ATP8A1: variants seen among roughly 807,000 people sequenced by gnomAD.
ATP8A1 encodes the protein phospholipid-transporting ATPase IA.
ATP8A1 carries 90 observed loss-of-function variants against 177.7 expected under a neutral mutation model. The observed-to-expected ratio is 0.51, with a 90% CI of 0.43 to 0.60. The LOEUF (loss-of-function observed/expected upper bound fraction) is 0.60. ATP8A1 is among the 20% of genes least tolerant of loss of function. The pLI, the probability that ATP8A1 is intolerant of heterozygous loss-of-function variation, is 0.00. For missense variants in ATP8A1, 1,072 were observed against 1,392.8 expected, an observed-to-expected ratio of 0.77 and a Z score of 3.67; for synonymous variants, 493 against 485.9, an observed-to-expected ratio of 1.01 and a Z score of -0.19.
chr4:42,484,686 C>T (rs1215591735), intron 25 of ATP8A1, among the ~76,000 whole-genome samples: 1 of 152,164 alleles, frequency 6.6e-6, no homozygotes, highest in Non-Finnish European at 1.5e-5. Flanking sequence ...AGCACAGATA[C>T]TGAGAAATCT....
In ATP8A1 at chr4:42,443,594, T is replaced by C. The variant is rs1333927143; in HGVS notation, c.3094A>G (p.Ile1032Val). 5 of 1,487,018 alleles carry C rather than the reference T, an allele frequency of 3.4e-6. No individual in the cohort carries two copies. Among genetic ancestry groups the C allele is most frequent in the African/African-American group, 1.4e-5 (1 of 72,380 alleles). 92.1% of individuals were successfully genotyped at this position (1,487,018 alleles called of 1,614,324 possible). ...CCTGACATATCAGGGGCCATCGGAA[T>C]GGCAGGCCACAGAGATGAGTAGATT... The part of the protein sequence containing the change: ...FGIYSSLWPA[I>V]PMAPDMSGEA... Residue 1032 changes from isoleucine (I) to valine (V), a missense_variant, in exon 33 of 37, where the codon ATT becomes GTT. Transcript: ENST00000381668.
At chr4:42,509,917 T>C (rs1223242099) in intron 22 of ATP8A1, among the ~76,000 whole-genome samples, 1 of 151,532 alleles carries the variant, frequency 6.6e-6, no homozygotes, top group Non-Finnish European at 1.5e-5. Context: ...TAAAATAAAA[T>C]TTCCCCTCTG....
chr4:42,555,151 T>A (rs1033894851), intron 16 of ATP8A1, among the ~76,000 whole-genome samples: 1 of 100,216 alleles, frequency 1.0e-5, no homozygotes, highest in East Asian at 2.7e-4. Context: ...TCTATCTATC[T>A]ATCTATCTAT....
intron 13 of ATP8A1, 112 bp from the exon 14 acceptor site, chr4:42,574,819 T>C (rs1186499375): frequency 1.5e-6 from 1 of 671,266 alleles, no homozygotes; most frequent in South Asian, 2.0e-5. Flanking sequence ...TGAATATTAC[T>C]AAGGAACTAT....
chr4:42,439,598 G>A (rs952176151), intron 33 of ATP8A1, among the ~76,000 whole-genome samples: 9 of 152,192 alleles, frequency 5.9e-5, no homozygotes, highest in African/African-American at 1.4e-4. Flanking sequence ...GTCATCGCTC[G>A]AGAAGCAGTT....
At chr4:42,584,977 A>C (rs903014793) in intron 9 of ATP8A1, among the ~76,000 whole-genome samples, 14 of 152,064 alleles carry the variant, frequency 9.2e-5, no homozygotes, top group African/African-American at 3.4e-4. Flanking sequence ...CCCTTCTTCT[A>C]TTACTCTCTT....
At chr4:42,548,141 C>T (rs575848207) in intron 19 of ATP8A1, among the ~76,000 whole-genome samples, 1 of 152,338 alleles carries the variant, frequency 6.6e-6, no homozygotes, top group Admixed American at 6.5e-5. Context: ...AGGACAATCA[C>T]TTTGCTTTCT....
intron 25 of ATP8A1, among the ~76,000 whole-genome samples, chr4:42,465,759 G>A (rs995643731): frequency 5.3e-5 from 8 of 152,110 alleles, no homozygotes; most frequent in Admixed American, 1.3e-4. Context: ...CTGGCCGGGT[G>A]AGGTGGCTCA....
At chr4:42,422,456 T>C (rs1391189550) in intron 35 of ATP8A1, among the ~76,000 whole-genome samples, 1 of 152,228 alleles carries the variant, frequency 6.6e-6, no homozygotes, top group Non-Finnish European at 1.5e-5. Context: ...TGCAGTTTAA[T>C]AATACAATAA....
At chr4:42,585,535 T>C (rs189538031) in intron 9 of ATP8A1, among the ~76,000 whole-genome samples, 15 of 147,710 alleles carry the variant, frequency 1.0e-4, no homozygotes, top group African/African-American at 3.6e-4. Context: ...ATGACATCTA[T>C]GAGAAACAGG....
In ATP8A1 at chr4:42,409,844, A is replaced by G. The variant is rs1712394945; in HGVS notation, c.*3072T>C. On this transcript the variant is annotated 3_prime_UTR_variant, in exon 37 of 37. Transcript: ENST00000381668. ...TTTAGAATGCTGAACGGCAAAATTA[A>G]AGTATAAAATTTAATGATCAGAATG... The G allele has an allele frequency of 6.6e-6, 1 of 152,224 alleles. No homozygotes were observed. Among genetic ancestry groups the G allele is most frequent in the Non-Finnish European group, 1.5e-5 (1 of 68,020 alleles). 9.4% of individuals were successfully genotyped at this position (152,224 alleles called of 1,614,324 possible). A position where few individuals can be genotyped will look rare whatever the true frequency, so the allele number is the denominator to read the frequency against.
At chr4:42,428,122 A>G (rs2153169486) in intron 33 of ATP8A1, among the ~76,000 whole-genome samples, 1 of 152,360 alleles carries the variant, frequency 6.6e-6, no homozygotes, top group East Asian at 1.9e-4. Context: ...AGGGAAACGT[A>G]AACTACCCTG....
chr4:42,485,532 T>C lies in ATP8A1; in HGVS notation c.2288A>G (p.Asp763Gly). 6.2e-7 allele frequency: 1 copy of C among 1,613,204 alleles called. No individual in the cohort carries two copies. The highest frequency in any genetic ancestry group is 8.5e-7 in the Non-Finnish European group (1 of 1,179,640). The change falls in exon 25 of 37, where the codon GAC becomes GGC. Residue 763 changes from aspartate (D) to glycine (G), a missense_variant. This residue lies in a region of ATP8A1 where 388 missense variants were observed against 471.7 expected (regional missense o/e 0.82). Transcript: ENST00000381668. The stretch of plus-strand genomic sequence containing the variant: ...GACAGCTTTGCATGACAAAGCTAAG[T>C]CCAGGAAATACTGTCGTACTCCAAA... ...LTFGVRQYFL[D>G]LALSCKAVIC...
At chr4:42,591,154 C>T (rs1734133692) in intron 6 of ATP8A1, among the ~76,000 whole-genome samples, 2 of 151,898 alleles carry the variant, frequency 1.3e-5, no homozygotes, top group Admixed American at 6.6e-5. Flanking sequence ...TAAAAGTTTA[C>T]TCATAAGCTT....
intron 14 of ATP8A1, among the ~76,000 whole-genome samples, chr4:42,571,106 A>T (rs1234641649): frequency 3.3e-5 from 5 of 152,204 alleles, no homozygotes; most frequent in Non-Finnish European, 7.3e-5. Flanking sequence ...AATTTATCAC[A>T]AGTCATGGTG....
At chr4:42,572,385 C>T (rs1731996265) in intron 14 of ATP8A1, among the ~76,000 whole-genome samples, 1 of 152,218 alleles carries the variant, frequency 6.6e-6, no homozygotes. Flanking sequence ...CACCCCTTCA[C>T]ATCTAACCAT....
intron 13 of ATP8A1, 132 bp downstream of exon 13, chr4:42,575,490 A>C: frequency 1.4e-6 from 1 of 700,268 alleles, no homozygotes; most frequent in Non-Finnish European, 2.5e-6. Flanking sequence ...TTCATCATGC[A>C]CTAACAAATA....
At chr4:42,574,375 T>C (rs909931477) in intron 14 of ATP8A1, among the ~76,000 whole-genome samples, 10 of 152,178 alleles carry the variant, frequency 6.6e-5, no homozygotes, top group African/African-American at 2.4e-4. Flanking sequence ...AGAGAGACTT[T>C]CAGCAACACT....
At position 42,581,665 on chromosome 4, in the gene ATP8A1, G is replaced by A. The variant is rs1295212521; in HGVS notation, c.790C>T (p.His264Tyr). ...TGTCCAGTGTAGACAACTATTCCATGAACCCACTGTGTATTTCTCAACTGA... is the reference window on the plus strand; with the variant it reads ...TGTCCAGTGTAGACAACTATTCCATAAACCCACTGTGTATTTCTCAACTGA... ...GAQLRNTQWV[H>Y]GIVVYTGHDT... The change falls in exon 10 of 37, where the codon CAT (histidine) becomes TAT (tyrosine). Residue 264 changes from histidine to tyrosine, a missense_variant. His to Tyr is a moderately conservative substitution (Grantham distance 83). Around this residue, in one of 5 missense-constraint regions of ATP8A1, gnomAD observed 344 missense variants for 393.5 expected, o/e 0.87. Coordinates refer to ENST00000381668, the MANE Select transcript of ATP8A1 (RefSeq NM_006095.2). The A allele has an allele frequency of 6.2e-7, 1 of 1,614,042 alleles. No individual in the cohort carries two copies. Among genetic ancestry groups the A allele is most frequent in the African/African-American group, 1.3e-5 (1 of 74,910 alleles).
Sources: gnomAD v4.1 joint callset for allele counts (sites outside exome capture counted in the v4.1 genomes callset) on GRCh38, gnomAD v4.1.1 for gene constraint, gnomAD v4.1.1 regional missense constraint, MANE v1.5 for transcripts, NCBI Gene and HGNC (gene_info 2026-07-23, HGNC 2026-07-21) for gene names.